SUGCT: variants seen among roughly 807,000 people sequenced by gnomAD.
The protein encoded by SUGCT is succinyl-CoA:glutarate CoA-transferase.
In SUGCT, 41 loss-of-function variants were observed where a neutral mutation model predicts 55.0. The ratio of observed to expected loss-of-function variants is 0.74; its 90% CI spans 0.58 to 0.97. The LOEUF is 0.97. SUGCT is among the 50% of genes least tolerant of loss of function. SUGCT has a pLI of 0.00. For missense variants in SUGCT, 568 were observed against 547.8 expected (o/e 1.04, Z -0.37); for synonymous variants, 187 against 200.4 (o/e 0.93, Z 0.56).
At chr7:40,350,790 C>G (rs1005303120) in intron 9 of SUGCT, among the ~76,000 whole-genome samples, 1 of 151,986 alleles carries the variant, frequency 6.6e-6, no homozygotes, top group Non-Finnish European at 1.5e-5. Context: ...TTCCCTCCCC[C>G]GCAACCCCCC....
the SUGCT span, among the ~76,000 whole-genome samples, chr7:40,938,557 GAATT>G: frequency 6.6e-6 from 1 of 151,740 alleles, no homozygotes; most frequent in African/African-American, 2.4e-5. Context: ...TTACATGAAT[GAATT>G]GTTTAATGGT....
intron 12 of SUGCT, among the ~76,000 whole-genome samples, chr7:40,626,973 T>C (rs993408615): frequency 6.6e-6 from 1 of 152,172 alleles, no homozygotes; most frequent in East Asian, 1.9e-4. Context: ...AGGAAGGCAA[T>C]ATGATGAAAA....
intron 7 of SUGCT, among the ~76,000 whole-genome samples, chr7:40,260,971 C>T (rs992018077): frequency 6.6e-6 from 1 of 152,108 alleles, no homozygotes; most frequent in Non-Finnish European, 1.5e-5. Flanking sequence ...AGGAACCCCA[C>T]CCCCACTTTT....
the SUGCT span, among the ~76,000 whole-genome samples, chr7:40,987,217 A>T: frequency 1.3e-5 from 2 of 151,998 alleles, no homozygotes; most frequent in Non-Finnish European, 2.9e-5. Flanking sequence ...GGGCGATGCC[A>T]CTCCCTGCCA....
At chr7:40,484,721 C>T (rs945899358) in intron 11 of SUGCT, among the ~76,000 whole-genome samples, 21 of 152,108 alleles carry the variant, frequency 1.4e-4, no homozygotes, top group Admixed American at 3.3e-4. Flanking sequence ...GTGCCTGGTA[C>T]ATAAAAGGCT....
At chr7:40,426,264 A>G (rs779337073) in intron 9 of SUGCT, among the ~76,000 whole-genome samples, 5 of 152,148 alleles carry the variant, frequency 3.3e-5, no homozygotes, top group African/African-American at 4.8e-5. Context: ...CCCATGAAGG[A>G]ACCAACAAGG....
intron 12 of SUGCT, among the ~76,000 whole-genome samples, chr7:40,636,609 T>G (rs1800032456): frequency 2.0e-5 from 3 of 152,198 alleles, no homozygotes; most frequent in Admixed American, 6.5e-5. Flanking sequence ...AACTAGAGGC[T>G]GCCAGGAACT....
intron 9 of SUGCT, among the ~76,000 whole-genome samples, chr7:40,320,980 ACTCT>A (rs1278791331): frequency 6.7e-6 from 1 of 149,870 alleles, no homozygotes; most frequent in African/African-American, 2.5e-5. Context: ...CTATTATTCC[ACTCT>A]CTATGTCCAT....
chr7:40,842,785 G>A (rs1191840506), intron 13 of SUGCT, among the ~76,000 whole-genome samples: 1 of 152,162 alleles, frequency 6.6e-6, no homozygotes, highest in African/African-American at 2.4e-5. Context: ...TTGGAATATT[G>A]CAGGGCCTCT....
At chr7:40,598,616 A>G (rs1487587467) in intron 12 of SUGCT, among the ~76,000 whole-genome samples, 2 of 152,212 alleles carry the variant, frequency 1.3e-5, no homozygotes, top group Middle Eastern at 3.2e-3. Context: ...ATGAGCATGC[A>G]GGGGTCAAAC....
chr7:40,722,567 G>A (rs1052443835), intron 12 of SUGCT, among the ~76,000 whole-genome samples: 7 of 152,156 alleles, frequency 4.6e-5, no homozygotes, highest in East Asian at 1.9e-4. Context: ...CTTCTCCACT[G>A]GCTGTTTTCA....
intron 9 of SUGCT, among the ~76,000 whole-genome samples, chr7:40,391,518 C>A (rs547291887): frequency 2.0e-5 from 3 of 152,236 alleles, no homozygotes; most frequent in Admixed American, 6.5e-5. Context: ...ATGCAGCCAA[C>A]AGACACATGA....
chr7:40,890,335 A>G, the SUGCT span, among the ~76,000 whole-genome samples: 2 of 123,538 alleles, frequency 1.6e-5, no homozygotes, highest in African/African-American at 8.4e-5. Flanking sequence ...ATAAATATTA[A>G]TATATAAATA....
intron 7 of SUGCT, among the ~76,000 whole-genome samples, chr7:40,245,424 T>TATATATATATATATATATATATATATATA (rs59609393): frequency 1.7e-4 from 2 of 11,650 alleles, no homozygotes; most frequent in Admixed American, 1.4e-3. Context: ...TATATATATA[T>TATATATATATATATATATATATATATATA]TTTTTTTTTT....
At chr7:40,591,176 G>A (rs1364140768) in intron 12 of SUGCT, among the ~76,000 whole-genome samples, 2 of 152,150 alleles carry the variant, frequency 1.3e-5, no homozygotes, top group African/African-American at 4.8e-5. Flanking sequence ...AAGAACATTC[G>A]TGATTCATAG....
At chr7:40,365,883 C>T (rs1045399495) in intron 9 of SUGCT, among the ~76,000 whole-genome samples, 139 of 152,230 alleles carry the variant, frequency 9.1e-4, no homozygotes, top group African/African-American at 2.8e-3. Context: ...AAGCTACCAA[C>T]GACTTTCTTC....
At chr7:40,335,746 T>A (rs1186376927) in intron 9 of SUGCT, among the ~76,000 whole-genome samples, 2 of 152,172 alleles carry the variant, frequency 1.3e-5, no homozygotes, top group African/African-American at 4.8e-5. Flanking sequence ...TATTTCTTTC[T>A]CCTCCCTGAT....
intron 9 of SUGCT, among the ~76,000 whole-genome samples, chr7:40,379,490 C>T (rs1424348401): frequency 6.6e-6 from 1 of 152,134 alleles, no homozygotes; most frequent in Non-Finnish European, 1.5e-5. Flanking sequence ...AAATTAATGA[C>T]AATTCTGGAA....
At chr7:41,014,598 G>T in the SUGCT span, among the ~76,000 whole-genome samples, 1 of 152,202 alleles carries the variant, frequency 6.6e-6, no homozygotes. Context: ...GTGAGGGTCA[G>T]CCTGGAGCTG....
Sources: gnomAD v4.1 joint callset for allele counts (sites outside exome capture counted in the v4.1 genomes callset) on GRCh38, gnomAD v4.1.1 for gene constraint, MANE v1.5 for transcripts, NCBI Gene and HGNC (gene_info 2026-07-23, HGNC 2026-07-21) for gene names.